The following ARMC8 variants were observed in gnomAD, a reference collection of about 807,000 sequenced individuals.
The protein encoded by ARMC8 is armadillo repeat-containing protein 8.
A neutral mutation model predicts 99.3 loss-of-function variants in ARMC8; 20 were observed. The ratio of observed to expected loss-of-function variants is 0.20; its 90% CI spans 0.14 to 0.29. ARMC8 has a LOEUF of 0.29. Ranked by LOEUF, ARMC8 falls within the 10% of genes least tolerant of loss-of-function variation. The pLI is 1.00. For synonymous variants in ARMC8, 263 were observed against 278.3 expected, an observed-to-expected ratio of 0.95 and a Z score of 0.55; for missense variants, 569 against 809.5, an observed-to-expected ratio of 0.70 and a Z score of 3.60.
At chr3:138,249,781 A>T (rs937092041) in intron 12 of ARMC8, among the ~76,000 whole-genome samples, 8 of 152,218 alleles carry the variant, frequency 5.3e-5, no homozygotes, top group African/African-American at 1.9e-4. Flanking sequence ...TCAACAAGGC[A>T]TAGCCTTAAA....
At chr3:138,248,305 G>C (rs2046971429) in intron 12 of ARMC8, among the ~76,000 whole-genome samples, 1 of 152,184 alleles carries the variant, frequency 6.6e-6, no homozygotes, top group Non-Finnish European at 1.5e-5. Context: ...ATTTTGGTTA[G>C]AGAGAGTAAG....
intron 16 of ARMC8, among the ~76,000 whole-genome samples, chr3:138,271,566 C>T (rs1012068552): frequency 2.0e-5 from 3 of 152,094 alleles, no homozygotes; most frequent in Non-Finnish European, 4.4e-5. Context: ...ATCTTATTCT[C>T]GTCAGTCTTC....
rs58707271 is a variant in ARMC8 at position 138,201,436 on chromosome 3, CTTTTTTTTTTTTTTTTTTTTTTTT to C, written c.46-8363_46-8340del. ...TAGAGTCCTTGTCTTCTTCCCCTCC[CTTTTTTTTTTTTTTTTTTTTTTTT>C]TTTTTTTTTTTTTTTTTCCTGAGAC... is the stretch of plus-strand genomic sequence containing the variant. On this transcript the variant is annotated intron_variant, in intron 1 of 21. Transcript: ENST00000469044. Among the ~76,000 whole-genome samples, 27 of 64,994 alleles carry C rather than the reference CTTTTTTTTTTTTTTTTTTTTTTTT, an allele frequency of 4.2e-4. 1 individual carries two copies. Among genetic ancestry groups the C allele is most frequent in the East Asian group, 2.8e-3 (6 of 2,126 alleles). The allele number at this position is 64,994 out of a possible 152,430, so 42.6% of individuals were successfully genotyped here.
chr3:138,228,168 C>T (rs1394710531), intron 5 of ARMC8, among the ~76,000 whole-genome samples: 1 of 152,072 alleles, frequency 6.6e-6, no homozygotes, highest in Non-Finnish European at 1.5e-5. Context: ...TTGGTAGAGA[C>T]GGGGTTTCGC....
At chr3:138,230,011 A>G (rs1038305285) in intron 6 of ARMC8, among the ~76,000 whole-genome samples, 2 of 152,202 alleles carry the variant, frequency 1.3e-5, no homozygotes, top group African/African-American at 4.8e-5. Flanking sequence ...AAGAGTTTCT[A>G]CATTGTAATT....
chr3:138,266,641 A>T (rs376260389), intron 14 of ARMC8, among the ~76,000 whole-genome samples: 3 of 152,212 alleles, frequency 2.0e-5, no homozygotes, highest in African/African-American at 7.2e-5. Flanking sequence ...GGAAGTGTCC[A>T]GTTGGAACTA....
At chr3:138,255,895 G>A (rs2047375316) in intron 12 of ARMC8, among the ~76,000 whole-genome samples, 1 of 152,168 alleles carries the variant, frequency 6.6e-6, no homozygotes, top group South Asian at 2.1e-4. Flanking sequence ...TGGGAGAATC[G>A]CTCGAACCCG....
At chr3:138,269,099 A>T (rs755368889) in intron 15 of ARMC8, among the ~76,000 whole-genome samples, 3 of 152,262 alleles carry the variant, frequency 2.0e-5, no homozygotes, top group Non-Finnish European at 4.4e-5. Context: ...TAAATTAACA[A>T]TGGCAAATGT....
chr3:138,293,704 G>A (rs1451289330), intron 21 of ARMC8, among the ~76,000 whole-genome samples: 1 of 152,158 alleles, frequency 6.6e-6, no homozygotes, highest in African/African-American at 2.4e-5. Context: ...ATAAACAGTG[G>A]GCTCTGTCAG....
At chr3:138,284,741 C>G (rs1027317802) in intron 19 of ARMC8, among the ~76,000 whole-genome samples, 1 of 152,150 alleles carries the variant, frequency 6.6e-6, no homozygotes, top group Non-Finnish European at 1.5e-5. Flanking sequence ...ACCTGCCAGT[C>G]GACTCCCTGC....
chr3:138,283,642 A>G (rs1440837782), intron 18 of ARMC8, among the ~76,000 whole-genome samples: 2 of 152,150 alleles, frequency 1.3e-5, no homozygotes, highest in African/African-American at 2.4e-5. Flanking sequence ...TGGTATCCCT[A>G]TCATAGTCCT....
At chr3:138,262,634 C>A (rs1576827221) in intron 12 of ARMC8, 3 of 1,515,198 alleles carry the variant, frequency 2.0e-6, no homozygotes, top group East Asian at 4.6e-5. Flanking sequence ...TAGCCCTGAC[C>A]CTGGAGAATC....
chr3:138,274,549 G>A lies in ARMC8; in HGVS notation c.1725+5G>A, dbSNP rs752483588. The A allele has an allele frequency of 6.3e-7, 1 of 1,598,254 alleles. No individual in the cohort carries two copies. Among genetic ancestry groups the A allele is most frequent in the Non-Finnish European group, 8.6e-7 (1 of 1,166,688 alleles). ...AACATTGAGGTCAAAGAGCAGGTAC[G>A]TTGTTCCTTTCTCTTGGGGAATATT... is the stretch of plus-strand genomic sequence containing the variant. On this transcript the variant is annotated splice_donor_5th_base_variant and intron_variant, in intron 18 of 21. Coordinates refer to ENST00000469044, the MANE Select transcript of ARMC8 (RefSeq NM_001363941.2).
chr3:138,258,064 C>G (rs2047494292), intron 12 of ARMC8, among the ~76,000 whole-genome samples: 1 of 152,100 alleles, frequency 6.6e-6, no homozygotes, highest in Non-Finnish European at 1.5e-5. Flanking sequence ...TCACAAAAGC[C>G]TATTTGGAAT....
At chr3:138,245,657 G>A in intron 12 of ARMC8, 3 of 993,328 alleles carry the variant, frequency 3.0e-6, no homozygotes, top group Non-Finnish European at 2.4e-6. Context: ...CAAGTTTAAT[G>A]TGAATAAAAT....
At chr3:138,191,804 T>C (rs982610171) in intron 1 of ARMC8, among the ~76,000 whole-genome samples, 3 of 152,222 alleles carry the variant, frequency 2.0e-5, no homozygotes, top group African/African-American at 7.2e-5. Context: ...ATAATGCTTT[T>C]GAGATCTATC....
intron 15 of ARMC8, among the ~76,000 whole-genome samples, chr3:138,269,425 G>A (rs2048571316): frequency 6.6e-6 from 1 of 152,126 alleles, no homozygotes; most frequent in African/African-American, 2.4e-5. Context: ...CTAAAGCATG[G>A]TATTTTAGAT....
Position 138,296,541 on chromosome 3 carries a change from T to TAAAAAAAAAG in ARMC8, c.*665_*674dup, listed in dbSNP as rs1011570600. On this transcript the variant is annotated 3_prime_UTR_variant, in exon 22 of 22. Coordinates refer to ENST00000469044, the MANE Select transcript of ARMC8 (RefSeq NM_001363941.2). ...TCAACTTACATAGATTTTCTTTATA[T>TAAAAAAAAAG]AAAAAAAAAGAAAAAAAAAGAAAAA... The TAAAAAAAAAG allele has an allele frequency of 6.7e-6, 1 of 149,340 alleles. No individual in the cohort carries two copies. Among genetic ancestry groups the TAAAAAAAAAG allele is most frequent in the Admixed American group, 6.7e-5 (1 of 15,032 alleles). 9.3% of individuals were successfully genotyped at this position (149,340 alleles called of 1,614,324 possible).
intron 7 of ARMC8, 33 bp from the exon 8 acceptor site, chr3:138,237,276 A>T (rs1400051389): frequency 4.4e-6 from 7 of 1,593,386 alleles, no homozygotes; most frequent in Non-Finnish European, 6.0e-6. Context: ...GCAGAATTAA[A>T]CACATTTTTT....
Sources: gnomAD v4.1 joint callset for allele counts (sites outside exome capture counted in the v4.1 genomes callset) on GRCh38, gnomAD v4.1.1 for gene constraint, MANE v1.5 for transcripts, NCBI Gene and HGNC (gene_info 2026-07-23, HGNC 2026-07-21) for gene names.